Variants in ZFYVE28 observed in about 807,000 individuals in gnomAD.
ZFYVE28 encodes the protein zinc finger FYVE-type containing 28.
A neutral mutation model predicts 82.1 loss-of-function variants in ZFYVE28; 40 were observed. The ratio of observed to expected loss-of-function variants is 0.49; its 90% CI spans 0.38 to 0.63. The LOEUF (loss-of-function observed/expected upper bound fraction) is 0.63. Among genes scored for constraint, ZFYVE28 ranks in the 30% least tolerant of loss-of-function variants. The pLI is 0.00. For synonymous variants in ZFYVE28, 612 were observed against 546.1 expected, an observed-to-expected ratio of 1.12 and a Z score of -1.68; for missense variants, 1,321 against 1,242.1, an observed-to-expected ratio of 1.06 and a Z score of -0.96.
At chr4:2,306,336 G>A (rs1716565440) in intron 7 of ZFYVE28, among the ~76,000 whole-genome samples, 2 of 152,254 alleles carry the variant, frequency 1.3e-5, no homozygotes, top group Non-Finnish European at 2.9e-5. Flanking sequence ...TTGTGAGGAA[G>A]TGCGCTTTGC....
Position 2,339,744 on chromosome 4 carries a change from G to A in ZFYVE28, c.319-89C>T, listed in dbSNP as rs956274814. ...CCCGGGGAACCTGACTGCGCACCTC[G>A]GGGCCCCTCTTCTCACCCCACAGCA... On this transcript the variant is annotated intron_variant, in intron 3 of 12. Coordinates refer to ENST00000290974, the MANE Select transcript of ZFYVE28 (RefSeq NM_020972.3). The surrounding 1 kb of genome is among the most constrained non-coding windows in gnomAD (Gnocchi z 5.0). 10 of 1,280,062 alleles carry A rather than the reference G, an allele frequency of 7.8e-6. No homozygotes were observed. Among genetic ancestry groups the A allele is most frequent in the Middle Eastern group, 2.7e-4 (1 of 3,718 alleles). 79.3% of individuals were successfully genotyped at this position (1,280,062 alleles called of 1,614,324 possible). A position where few individuals can be genotyped will look rare whatever the true frequency, so the allele number is the denominator to read the frequency against.
At chr4:2,355,282 C>A (rs11945447) in intron 1 of ZFYVE28, among the ~76,000 whole-genome samples, 1 of 35,894 alleles carries the variant, frequency 2.8e-5, no homozygotes, top group Non-Finnish European at 6.0e-5. Context: ...AATGATTCTT[C>A]TTTTTTTTTT....
At position 2,326,775 on chromosome 4, in the gene ZFYVE28, T is replaced by C. The variant is rs545157211; in HGVS notation, c.702-6504A>G. ...TGATAAAAATTATTCCTTAGTATCT[T>C]ATTTCTTTGTAGCTATTGTAAATGA... On this transcript the variant is annotated intron_variant, in intron 6 of 12. Coordinates refer to ENST00000290974, the MANE Select transcript of ZFYVE28 (RefSeq NM_020972.3). 2.6e-5 allele frequency among the ~76,000 whole-genome samples: 4 copies of C among 152,246 alleles called. No individual in the cohort carries two copies. In the South Asian group the frequency reaches 8.3e-4, roughly 31 times the overall value.
At chr4:2,402,737 G>C (rs939926052) in intron 1 of ZFYVE28, among the ~76,000 whole-genome samples, 1 of 152,162 alleles carries the variant, frequency 6.6e-6, no homozygotes. Flanking sequence ...GCTTAGGTGC[G>C]TTTGTGCTCT....
At position 2,304,656 on chromosome 4, in the gene ZFYVE28, G is replaced by T. The variant is rs535273084; in HGVS notation, c.1684C>A (p.His562Asn). 6.2e-6 allele frequency: 10 copies of T among 1,612,544 alleles called. No individual in the cohort carries two copies. The highest frequency in any genetic ancestry group is 8.5e-6 in the Non-Finnish European group (10 of 1,179,904). The change falls in exon 8 of 13, where the codon CAT (histidine) becomes AAT (asparagine). Residue 562 changes from histidine to asparagine, a missense_variant. His to Asn is a moderately conservative substitution (Grantham distance 68, BLOSUM62 1). Coordinates refer to ENST00000290974, the MANE Select transcript of ZFYVE28 (RefSeq NM_020972.3). ...LSTGATNCLLHSCVCCGSCGD... is the reference protein window; with the variant it reads ...LSTGATNCLLNSCVCCGSCGD... ...CAGCTCCCACAGCACACGCAGGAAT[G>T]CAGAAGGCAGTTGGTGGCCCCAGTG...
At chr4:2,311,124 G>A (rs987771504) in intron 7 of ZFYVE28, among the ~76,000 whole-genome samples, 4 of 152,142 alleles carry the variant, frequency 2.6e-5, no homozygotes, top group African/African-American at 9.7e-5. Flanking sequence ...TGTAAGGTCT[G>A]TGGTGATGTC....
At chr4:2,346,765 C>T (rs1284662916) in intron 2 of ZFYVE28, among the ~76,000 whole-genome samples, 1 of 150,310 alleles carries the variant, frequency 6.7e-6, no homozygotes, top group East Asian at 1.9e-4. Flanking sequence ...AATGAGCCAA[C>T]AAAGGAGACA....
rs977140942 is a variant in ZFYVE28 at position 2,274,277 on chromosome 4, G to A, written c.2052-61C>T. 3.4e-5 allele frequency: 53 copies of A among 1,564,232 alleles called. No homozygotes were observed. In the Admixed American group the frequency reaches 5.4e-4, roughly 16 times the overall value. ...GGCATGATAAGGGGCCGTGGAGCCC[G>A]AAGGTCACTGGTCAAGACAAAAGTC... On this transcript the variant is annotated intron_variant, in intron 8 of 12. Coordinates refer to ENST00000290974, the MANE Select transcript of ZFYVE28 (RefSeq NM_020972.3).
intron 5 of ZFYVE28, among the ~76,000 whole-genome samples, chr4:2,336,228 G>A (rs1420244121): frequency 6.6e-6 from 1 of 152,204 alleles, no homozygotes; most frequent in East Asian, 1.9e-4. Flanking sequence ...TGAGAAACCA[G>A]CTTCCTTTCT....
Position 2,280,494 on chromosome 4 carries a change from C to T in ZFYVE28, c.2052-6278G>A, listed in dbSNP as rs547505555. On this transcript the variant is annotated intron_variant, in intron 8 of 12. Transcript: ENST00000290974. ...CTGCACTCCACTCCAGCCTGGGCAA[C>T]GAGCAAGACCCTGTCTCTTAAAATA... Among the ~76,000 whole-genome samples the T allele has an allele frequency of 1.0e-3, 157 of 152,180 alleles. 2 individuals carry two copies. In the South Asian group the frequency reaches 0.018, roughly 17 times the overall value.
intron 1 of ZFYVE28, among the ~76,000 whole-genome samples, chr4:2,359,536 G>A (rs922491428): frequency 6.6e-6 from 1 of 152,230 alleles, no homozygotes; most frequent in Non-Finnish European, 1.5e-5. Flanking sequence ...GACACAGGCA[G>A]GTAGAGGGCC....
intron 8 of ZFYVE28, among the ~76,000 whole-genome samples, chr4:2,292,104 G>A (rs1028155169): frequency 6.6e-6 from 1 of 152,192 alleles, no homozygotes; most frequent in Non-Finnish European, 1.5e-5. Context: ...CAGCATGGGG[G>A]GCTGGGAGGA....
chr4:2,274,162 TG>T lies in ZFYVE28; in HGVS notation c.2105del (p.Pro702GlnfsTer48). On this transcript the variant is annotated frameshift_variant, in exon 9 of 13. Coordinates refer to ENST00000290974, the MANE Select transcript of ZFYVE28 (RefSeq NM_020972.3). LOFTEE classifies it high-confidence loss of function. ...SSDKMGPEAA[P>X]AATHAAPQAT... is the part of the protein sequence containing the mutation. ...CCTGTGGGGCAGCATGCGTGGCTGC[TG>T]GGGCCGCCTCTGGCCCCATCTTGTC... is the stretch of plus-strand genomic sequence containing the variant. 2.5e-6 allele frequency: 4 copies of T among 1,613,462 alleles called. No individual in the cohort carries two copies. Among genetic ancestry groups the T allele is most frequent in the Non-Finnish European group, 3.4e-6 (4 of 1,179,960 alleles).
intron 1 of ZFYVE28, among the ~76,000 whole-genome samples, chr4:2,376,050 T>C (rs1194501249): frequency 6.6e-6 from 1 of 151,862 alleles, no homozygotes; most frequent in Non-Finnish European, 1.5e-5. Flanking sequence ...ATTTTTTGTA[T>C]TTTTAGTAGA....
intron 1 of ZFYVE28, among the ~76,000 whole-genome samples, chr4:2,363,718 G>A (rs1726476516): frequency 6.6e-6 from 1 of 152,216 alleles, no homozygotes; most frequent in Admixed American, 6.5e-5. Context: ...GTGCCCACAG[G>A]CAGAAGTTCC....
chr4:2,304,191 G>T, intron 8 of ZFYVE28, 98 bp downstream of exon 8: 1 of 1,443,978 alleles, frequency 6.9e-7, no homozygotes, highest in South Asian at 1.4e-5. Context: ...GGCCAAGATG[G>T]CTCAGGTAGA....
intron 1 of ZFYVE28, among the ~76,000 whole-genome samples, chr4:2,375,053 G>T (rs1162179841): frequency 6.6e-6 from 1 of 152,170 alleles, no homozygotes; most frequent in African/African-American, 2.4e-5. Context: ...AAACTCAGAT[G>T]ATATGAACAG....
intron 6 of ZFYVE28, among the ~76,000 whole-genome samples, chr4:2,327,047 C>T (rs1282694567): frequency 1.3e-5 from 2 of 151,568 alleles, no homozygotes; most frequent in African/African-American, 4.9e-5. Flanking sequence ...ATCTGGAGTT[C>T]AAGACCAGCC....
At chr4:2,370,180 C>G (rs919075029) in intron 1 of ZFYVE28, among the ~76,000 whole-genome samples, 1 of 152,006 alleles carries the variant, frequency 6.6e-6, no homozygotes, top group Non-Finnish European at 1.5e-5. Flanking sequence ...CCACTGTGTG[C>G]GACTTGGTCA....
Sources: allele counts gnomAD v4.1 joint callset (sites outside exome capture counted in the v4.1 genomes callset), GRCh38; gene constraint gnomAD v4.1.1; non-coding constraint Gnocchi (gnomAD v3.1); transcripts MANE v1.5; gene names NCBI Gene and HGNC (gene_info 2026-07-23, HGNC 2026-07-21).